Variants in CNTNAP2 observed in about 807,000 individuals in gnomAD.
CNTNAP2 encodes the protein contactin-associated protein-like 2.
A neutral mutation model predicts 155.2 loss-of-function variants in CNTNAP2; 98 were observed. The observed-to-expected ratio is 0.63, with a 90% CI of 0.54 to 0.75. CNTNAP2 has a LOEUF of 0.75. CNTNAP2 is among the 30% of genes least tolerant of loss of function. CNTNAP2 has a pLI of 0.00. For missense variants in CNTNAP2, 1,727 were observed against 1,688.1 expected (o/e 1.02, Z -0.40); for synonymous variants, 651 against 631.2 (o/e 1.03, Z -0.47).
intron 1 of CNTNAP2, among the ~76,000 whole-genome samples, chr7:146,162,485 A>T (rs1798239503): frequency 6.6e-6 from 1 of 152,218 alleles, no homozygotes; most frequent in Non-Finnish European, 1.5e-5. Flanking sequence ...TAGAATGGTG[A>T]TCATTAAAAA....
At chr7:146,451,145 A>C (rs1379390799) in intron 1 of CNTNAP2, among the ~76,000 whole-genome samples, 1 of 151,978 alleles carries the variant, frequency 6.6e-6, no homozygotes, top group African/African-American at 2.4e-5. Context: ...ACGGGGTTTC[A>C]CCGTGTTAGC....
intron 3 of CNTNAP2, among the ~76,000 whole-genome samples, chr7:146,969,669 A>G (rs988443066): frequency 2.0e-5 from 3 of 151,896 alleles, no homozygotes; most frequent in Admixed American, 1.3e-4. Flanking sequence ...TGCTTGGTAG[A>G]TCTTCCTCCA....
At chr7:147,642,506 G>A (rs959659085) in intron 13 of CNTNAP2, among the ~76,000 whole-genome samples, 4 of 151,652 alleles carry the variant, frequency 2.6e-5, no homozygotes, top group Admixed American at 6.6e-5. Context: ...CTCGGCCACC[G>A]TGAAGCCTCA....
chr7:147,166,015 A>T (rs1229324969), intron 8 of CNTNAP2, among the ~76,000 whole-genome samples: 1 of 152,224 alleles, frequency 6.6e-6, no homozygotes, highest in Non-Finnish European at 1.5e-5. Context: ...TTGATCCAGC[A>T]GTCCTACTAC....
intron 15 of CNTNAP2, among the ~76,000 whole-genome samples, chr7:148,077,199 C>T (rs1298386878): frequency 6.6e-6 from 1 of 151,738 alleles, no homozygotes; most frequent in Non-Finnish European, 1.5e-5. Flanking sequence ...CCCAGCTACT[C>T]AGGAGGCTGA....
intron 15 of CNTNAP2, among the ~76,000 whole-genome samples, chr7:148,037,100 T>C (rs1802585175): frequency 6.6e-6 from 1 of 152,228 alleles, no homozygotes. Context: ...TGTTAAATTT[T>C]CCTTAAGCTC....
chr7:147,407,467 CAAAAAAAAAAAAAAAA>C (rs768738493), intron 10 of CNTNAP2, among the ~76,000 whole-genome samples: 16 of 64,900 alleles, frequency 2.5e-4, no homozygotes, highest in Admixed American at 9.5e-4. Context: ...GACTCCCTCT[CAAAAAAAAAAAAAAAA>C]AAAAAAAAAA....
chr7:147,054,461 T>G (rs1799524780), intron 4 of CNTNAP2, among the ~76,000 whole-genome samples: 1 of 152,138 alleles, frequency 6.6e-6, no homozygotes, highest in South Asian at 2.1e-4. Flanking sequence ...ATATGTTAAT[T>G]TTTATTTATG....
At chr7:147,297,432 T>A (rs956147232) in intron 8 of CNTNAP2, among the ~76,000 whole-genome samples, 1 of 152,120 alleles carries the variant, frequency 6.6e-6, no homozygotes, top group Non-Finnish European at 1.5e-5. Flanking sequence ...AATTTAGTAA[T>A]GAGAAACTAT....
At chr7:148,132,199 A>G (rs1804844536) in intron 16 of CNTNAP2, among the ~76,000 whole-genome samples, 1 of 152,172 alleles carries the variant, frequency 6.6e-6, no homozygotes, top group South Asian at 2.1e-4. Context: ...CGTTCTCAAG[A>G]TGCATTTTAC....
rs574173359 is a variant in CNTNAP2, at chr7:148,141,543, C to G, written c.2555-5948C>G. Among the ~76,000 whole-genome samples, 3 of 152,316 alleles carry G rather than the reference C, an allele frequency of 2.0e-5. No homozygotes were observed. The East Asian group carries it at 5.8e-4, about 29-fold the overall frequency. The stretch of plus-strand genomic sequence containing the variant: ...TTGCCTTCCTAGGCAGGAGTAGTTT[C>G]TATTCATCCTTTCATTCATTCACAA... On this transcript the variant is annotated intron_variant, in intron 16 of 23. Transcript: ENST00000361727.
chr7:147,305,741 G>A (rs538615499), intron 9 of CNTNAP2, among the ~76,000 whole-genome samples: 10 of 152,098 alleles, frequency 6.6e-5, no homozygotes, highest in African/African-American at 1.2e-4. Context: ...TAGGGATGCC[G>A]TATCAAAGTA....
chr7:147,736,463 T>C (rs1365410694), intron 13 of CNTNAP2, among the ~76,000 whole-genome samples: 2 of 152,326 alleles, frequency 1.3e-5, no homozygotes, highest in Non-Finnish European at 1.5e-5. Flanking sequence ...CATTTTTTTC[T>C]TCATTTCAAC....
At chr7:147,700,212 T>G (rs948799679) in intron 13 of CNTNAP2, among the ~76,000 whole-genome samples, 66 of 152,300 alleles carry the variant, frequency 4.3e-4, no homozygotes, top group African/African-American at 1.5e-3. Context: ...GTAGAGTAGG[T>G]ACTGATATCA....
At chr7:146,882,481 A>G (rs1795571952) in intron 3 of CNTNAP2, among the ~76,000 whole-genome samples, 1 of 152,122 alleles carries the variant, frequency 6.6e-6, no homozygotes, top group Admixed American at 6.6e-5. Context: ...TTCTCACGAC[A>G]TCTGATGGTT....
intron 3 of CNTNAP2, among the ~76,000 whole-genome samples, chr7:147,011,116 G>A (rs1294800787): frequency 6.6e-6 from 1 of 151,716 alleles, no homozygotes; most frequent in Non-Finnish European, 1.5e-5. Context: ...ACTGGCCTGT[G>A]ATATAGAACT....
intron 8 of CNTNAP2, among the ~76,000 whole-genome samples, chr7:147,250,268 C>A (rs1009780472): frequency 2.0e-5 from 3 of 151,964 alleles, no homozygotes; most frequent in Admixed American, 6.6e-5. Context: ...AACTTGTTAC[C>A]CAAATAACCT....
At chr7:146,287,184 A>G (rs1800350293) in intron 1 of CNTNAP2, among the ~76,000 whole-genome samples, 1 of 152,220 alleles carries the variant, frequency 6.6e-6, no homozygotes, top group South Asian at 2.1e-4. Flanking sequence ...GCCTTTTTAC[A>G]AACTAACAAA....
intron 13 of CNTNAP2, among the ~76,000 whole-genome samples, chr7:147,838,946 G>A (rs997703434): frequency 1.1e-4 from 16 of 152,036 alleles, no homozygotes; most frequent in African/African-American, 3.9e-4. Flanking sequence ...ATATATAAAG[G>A]GAATTTATTA....
Sources: gnomAD v4.1 joint callset for allele counts (sites outside exome capture counted in the v4.1 genomes callset) on GRCh38, gnomAD v4.1.1 for gene constraint, MANE v1.5 for transcripts, NCBI Gene and HGNC (gene_info 2026-07-23, HGNC 2026-07-21) for gene names.